Variants in TAF3 observed in about 807,000 individuals in gnomAD.
The protein encoded by TAF3 is TATA-box binding protein associated factor 3, also known as transcription initiation factor TFIID subunit 3.
Under a neutral mutation model 80.6 loss-of-function variants are expected in TAF3, and 7 were observed. The ratio of observed to expected loss-of-function variants is 0.09; its 90% confidence interval spans 0.05 to 0.16. The LOEUF is 0.16. Among genes scored for constraint, TAF3 ranks in the 10% least tolerant of loss-of-function variants. The pLI is 1.00. For synonymous variants in TAF3, 444 were observed against 446.1 expected, an observed-to-expected ratio of 1.00 and a Z score of 0.06; for missense variants, 921 against 1,140.2, an observed-to-expected ratio of 0.81 and a Z score of 2.77.
intron 2 of TAF3, among the ~76,000 whole-genome samples, chr10:7,828,859 C>A (rs1367014913): frequency 6.7e-6 from 1 of 150,344 alleles, no homozygotes; most frequent in African/African-American, 2.5e-5. Flanking sequence ...CATGGTGAAA[C>A]CCTGCCTCTA....
At chr10:7,939,596 A>G (rs932671810) in intron 2 of TAF3, among the ~76,000 whole-genome samples, 1 of 150,992 alleles carries the variant, frequency 6.6e-6, no homozygotes. Context: ...ACACACACAC[A>G]CACACACACA....
chr10:7,884,813 A>G (rs965391700), intron 2 of TAF3, among the ~76,000 whole-genome samples: 1 of 152,208 alleles, frequency 6.6e-6, no homozygotes, highest in Non-Finnish European at 1.5e-5. Flanking sequence ...ATCCATACAT[A>G]CATCTATGTC....
chr10:7,964,928 T>C lies in TAF3; in HGVS notation c.1418T>C (p.Val473Ala), dbSNP rs776064449. The change falls in exon 3 of 7, where the codon GTT becomes GCT. Residue 473 changes from valine (V) to alanine (A), a missense_variant. By Grantham distance (64) the Val-to-Ala change is moderately conservative (BLOSUM62 0). Around this residue, in one of 6 missense-constraint regions of TAF3, gnomAD observed 743 missense variants for 821.0 expected, o/e 0.90. Transcript: ENST00000344293. This position sits in a 1 kb window ranked among gnomAD's most constrained non-coding sequence, Gnocchi z 4.1. ...SWTMDASIDE[V>A]VRKAKLGTPS... ...ACAATGGATGCCTCCATTGATGAGG[T>C]TGTACGTAAAGCAAAACTGGGAACA... 2.5e-6 allele frequency: 4 copies of C among 1,614,050 alleles called. No individual in the cohort carries two copies. Among genetic ancestry groups the C allele is most frequent in the South Asian group, 1.1e-5 (1 of 91,078 alleles).
intron 2 of TAF3, among the ~76,000 whole-genome samples, chr10:7,939,561 G>A (rs1837957225): frequency 1.5e-5 from 2 of 135,852 alleles, no homozygotes; most frequent in Non-Finnish European, 3.1e-5. Flanking sequence ...AGACAATGTA[G>A]GAAATAGAAG....
At position 7,963,991 on chromosome 10, in the gene TAF3, G is replaced by A. The variant is rs1831538872; in HGVS notation, c.481G>A (p.Asp161Asn). The A allele has an allele frequency of 6.2e-7, 1 of 1,614,004 alleles. No individual in the cohort carries two copies. The highest frequency in any genetic ancestry group is 8.5e-7 in the Non-Finnish European group (1 of 1,180,020). The change falls in exon 3 of 7, where the codon GAT becomes AAT. Residue 161 changes from aspartate to asparagine, a missense_variant. Transcript: ENST00000344293. Reference protein sequence around the residue: ...AEAMQVPLEEDDELEEEEIIN... With the variant: ...AEAMQVPLEENDELEEEEIIN... ...AGCCATGCAGGTTCCCTTGGAAGAA[G>A]ATGATGAATTGGAGGAGGAAGAAAT...
intron 2 of TAF3, among the ~76,000 whole-genome samples, chr10:7,946,357 T>A (rs1838024655): frequency 6.6e-6 from 1 of 152,178 alleles, no homozygotes; most frequent in South Asian, 2.1e-4. Context: ...CTGGCTTGTC[T>A]CTGACTGGCT....
intron 4 of TAF3, among the ~76,000 whole-genome samples, chr10:7,998,783 G>A (rs1392643372): frequency 6.6e-6 from 1 of 151,400 alleles, no homozygotes; most frequent in Non-Finnish European, 1.5e-5. Context: ...AGGTTGCAGT[G>A]AGCCGGGATC....
Position 7,818,558 on chromosome 10 carries a change from G to A in TAF3, c.-152G>A. On this transcript the variant is annotated 5_prime_UTR_variant, in exon 1 of 7. Coordinates refer to ENST00000344293, the MANE Select transcript of TAF3 (RefSeq NM_031923.4). ...CGGCTCTCAGGCTGGCGCGCTCCGT[G>A]CTGCTGGGGCTTTGAGGTGGTCGCC... 1.3e-6 allele frequency: 1 copy of A among 767,704 alleles called. No homozygotes were observed. Among genetic ancestry groups the A allele is most frequent in the Non-Finnish European group, 1.9e-6 (1 of 521,542 alleles). 47.6% of individuals were successfully genotyped at this position (767,704 alleles called of 1,614,324 possible). A position where few individuals can be genotyped will look rare whatever the true frequency, so the allele number is the denominator to read the frequency against.
chr10:7,991,642 C>T (rs1211535624), intron 4 of TAF3, among the ~76,000 whole-genome samples: 4 of 151,946 alleles, frequency 2.6e-5, no homozygotes, highest in Non-Finnish European at 5.9e-5. Flanking sequence ...ACTTCTTAGC[C>T]CACACAGATG....
At chr10:7,987,752 T>C (rs993655779) in intron 4 of TAF3, among the ~76,000 whole-genome samples, 10 of 152,244 alleles carry the variant, frequency 6.6e-5, no homozygotes, top group African/African-American at 1.9e-4. Context: ...TGAATTTATA[T>C]GAAAAGCTAG....
chr10:8,009,194 C>T lies in TAF3; in HGVS notation c.2432C>T (p.Ala811Val). ...PAPGPMLVSP[A>V]PVPLPLLAQA... Reference sequence around the variant, plus strand: ...CCCGGCCCCATGCTCGTCAGCCCTGCGCCCGTGCCGCTGCCGCTGCTCGCC... The same window carrying T: ...CCCGGCCCCATGCTCGTCAGCCCTGTGCCCGTGCCGCTGCCGCTGCTCGCC... Residue 811 changes from alanine (A) to valine (V), a missense_variant, in exon 5 of 7, where the codon GCG becomes GTG. By Grantham distance (64) the Ala-to-Val change is moderately conservative. Transcript: ENST00000344293. The surrounding 1 kb of genome is among the most constrained non-coding windows in gnomAD (Gnocchi z 4.1). 2 of 1,455,292 alleles carry T rather than the reference C, an allele frequency of 1.4e-6. No individual in the cohort carries two copies. The highest frequency in any genetic ancestry group is 1.8e-6 in the Non-Finnish European group (2 of 1,104,036). 90.1% of individuals were successfully genotyped at this position (1,455,292 alleles called of 1,614,324 possible).
chr10:7,923,388 A>T (rs1015444388), intron 2 of TAF3, among the ~76,000 whole-genome samples: 2 of 152,096 alleles, frequency 1.3e-5, no homozygotes, highest in African/African-American at 4.8e-5. Context: ...GTGTGTTATG[A>T]AAATGGACTC....
At chr10:7,915,851 C>T (rs1256551100) in intron 2 of TAF3, among the ~76,000 whole-genome samples, 1 of 149,488 alleles carries the variant, frequency 6.7e-6, no homozygotes, top group African/African-American at 2.5e-5. Context: ...TGGTGGTGGG[C>T]ACCTGTAATC....
intron 2 of TAF3, among the ~76,000 whole-genome samples, chr10:7,885,272 ACC>A (rs1464929105): frequency 1.2e-3 from 181 of 151,492 alleles, no homozygotes; most frequent in Middle Eastern, 3.4e-3. Flanking sequence ...ACACACACAC[ACC>A]CCCACACACA....
intron 2 of TAF3, among the ~76,000 whole-genome samples, chr10:7,870,023 A>G (rs1257313868): frequency 4.6e-5 from 7 of 152,208 alleles, no homozygotes; most frequent in Non-Finnish European, 1.5e-5. Context: ...TCAGGTGAGC[A>G]TCTTTAAAAA....
chr10:7,992,501 A>G (rs1831845121), intron 4 of TAF3, among the ~76,000 whole-genome samples: 1 of 149,038 alleles, frequency 6.7e-6, no homozygotes, highest in African/African-American at 2.4e-5. Context: ...GTTCAAGGTG[A>G]TTACTCCCAA....
At position 8,009,001 on chromosome 10, in the gene TAF3, C is replaced by A; in HGVS notation, c.2316-77C>A. The A allele has an allele frequency of 6.6e-7, 1 of 1,515,240 alleles. No individual in the cohort carries two copies. Among genetic ancestry groups the A allele is most frequent in the Non-Finnish European group, 8.9e-7 (1 of 1,122,804 alleles). The allele number at this position is 1,515,240 out of a possible 1,614,324, so 93.9% of individuals were successfully genotyped here. ...CGCTACTGGAAGAAAAGCTATTTTA[C>A]GATCATGTTTTTAAGCACGGGTTTG... On this transcript the variant is annotated intron_variant, in intron 4 of 6. Transcript: ENST00000344293. This position sits in a 1 kb window ranked among gnomAD's most constrained non-coding sequence, Gnocchi z 4.1.
intron 3 of TAF3, among the ~76,000 whole-genome samples, chr10:7,974,168 ACACAAACAC>A (rs1419472396): frequency 2.0e-5 from 3 of 149,748 alleles, no homozygotes; most frequent in Non-Finnish European, 1.5e-5. Flanking sequence ...ACACACACAC[ACACAAACAC>A]ACACACGAGA....
intron 2 of TAF3, among the ~76,000 whole-genome samples, chr10:7,926,122 T>A (rs1287345646): frequency 6.6e-6 from 1 of 152,218 alleles, no homozygotes; most frequent in Non-Finnish European, 1.5e-5. Flanking sequence ...TTTAAAAAAA[T>A]TAACTTTTGA....
Sources: allele counts gnomAD v4.1 joint callset (sites outside exome capture counted in the v4.1 genomes callset), GRCh38; gene constraint gnomAD v4.1.1; regional missense constraint gnomAD v4.1.1; non-coding constraint Gnocchi (gnomAD v3.1); transcripts MANE v1.5; gene names NCBI Gene and HGNC (gene_info 2026-07-23, HGNC 2026-07-21).